Variants in RERG observed in about 807,000 individuals in gnomAD.
RERG encodes the protein ras-related and estrogen-regulated growth inhibitor.
In RERG, 25 loss-of-function variants were observed where a neutral mutation model predicts 23.2. That is an observed-to-expected ratio of 1.08 (90% confidence interval 0.79 to 1.50). The LOEUF (loss-of-function observed/expected upper bound fraction) is 1.50, where lower values mean the gene tolerates loss of function less well. Ranked by LOEUF, RERG falls within the 40% of genes most tolerant of loss-of-function variation. The pLI, the probability that RERG is intolerant of heterozygous loss-of-function variation, is 0.00. For synonymous variants in RERG, 81 were observed against 89.1 expected, an observed-to-expected ratio of 0.91 and a Z score of 0.51; for missense variants, 253 against 250.1, an observed-to-expected ratio of 1.01 and a Z score of -0.08.
chr12:15,141,705 G>C (rs1864241534), intron 2 of RERG, among the ~76,000 whole-genome samples: 1 of 152,172 alleles, frequency 6.6e-6, no homozygotes, highest in Admixed American at 6.5e-5. Flanking sequence ...CAAGAAAAGT[G>C]ATTGTTATTC....
chr12:15,184,052 A>G (rs1864959277), intron 2 of RERG, among the ~76,000 whole-genome samples: 2 of 152,196 alleles, frequency 1.3e-5, no homozygotes, highest in Non-Finnish European at 2.9e-5. Context: ...TCCAGGACAC[A>G]TCAAACCCAG....
chr12:15,113,409 TAAGA>T (rs1863660687), intron 3 of RERG, among the ~76,000 whole-genome samples: 2 of 151,980 alleles, frequency 1.3e-5, no homozygotes, highest in Non-Finnish European at 2.9e-5. Flanking sequence ...GCCATTAAAT[TAAGA>T]GAGACAATGC....
intron 2 of RERG, among the ~76,000 whole-genome samples, chr12:15,202,801 T>C (rs552385072): frequency 2.4e-4 from 36 of 151,850 alleles, no homozygotes; most frequent in African/African-American, 8.4e-4. Context: ...TTCATTTCTT[T>C]TGGGCATATA....
intron 2 of RERG, among the ~76,000 whole-genome samples, chr12:15,127,285 T>C (rs1277097889): frequency 1.3e-5 from 2 of 152,228 alleles, no homozygotes; most frequent in African/African-American, 4.8e-5. Context: ...ATGTGCCCAA[T>C]AGGTATTTGA....
At chr12:15,130,271 G>A (rs1864022907) in intron 2 of RERG, among the ~76,000 whole-genome samples, 1 of 152,140 alleles carries the variant, frequency 6.6e-6, no homozygotes, top group Admixed American at 6.5e-5. Flanking sequence ...GGTGGGTGGT[G>A]GCATGCAGTG....
chr12:15,122,911 G>A (rs543228305), intron 2 of RERG, among the ~76,000 whole-genome samples: 2 of 151,156 alleles, frequency 1.3e-5, no homozygotes, highest in South Asian at 2.1e-4. Flanking sequence ...CAATTCTCCT[G>A]CCACAGCCTC....
At chr12:15,123,842 A>G (rs1347580527) in intron 2 of RERG, among the ~76,000 whole-genome samples, 2 of 152,010 alleles carry the variant, frequency 1.3e-5, no homozygotes, top group Admixed American at 6.6e-5. Context: ...AAGGTTTGAC[A>G]TATTTGATTA....
chr12:15,206,656 C>T (rs565984430), intron 2 of RERG, among the ~76,000 whole-genome samples: 4 of 152,046 alleles, frequency 2.6e-5, no homozygotes, highest in South Asian at 2.1e-4. Context: ...CTGGTGATCC[C>T]GAGGCATGGT....
chr12:15,158,331 G>T lies in RERG; in HGVS notation c.62-37212C>A, dbSNP rs116250753. Among the ~76,000 whole-genome samples the T allele has an allele frequency of 6.4e-3, 975 of 152,072 alleles. 10 individuals are homozygous for T. The highest frequency in any genetic ancestry group is 0.023 in the African/African-American group (934 of 41,462). On this transcript the variant is annotated intron_variant, in intron 2 of 4. Coordinates refer to ENST00000256953, the MANE Select transcript of RERG (RefSeq NM_032918.3). The stretch of plus-strand genomic sequence containing the variant: ...GAATCTCGCTCTGTCATCCAGGCTG[G>T]AACACAGTGTTATGATCTTGGCTCG...
intron 2 of RERG, among the ~76,000 whole-genome samples, chr12:15,196,911 T>TA (rs367607256): frequency 1.5e-3 from 235 of 152,178 alleles, no homozygotes; most frequent in African/African-American, 5.5e-3. Context: ...ATTCTAATCA[T>TA]AAAATAACCA....
chr12:15,204,980 T>A (rs1043472558), intron 2 of RERG, among the ~76,000 whole-genome samples: 2 of 151,900 alleles, frequency 1.3e-5, no homozygotes, highest in African/African-American at 4.8e-5. Context: ...CTACATCAAT[T>A]TCCTTGTTTT....
intron 2 of RERG, among the ~76,000 whole-genome samples, chr12:15,150,211 T>C (rs1201457307): frequency 6.6e-6 from 1 of 152,216 alleles, no homozygotes; most frequent in Non-Finnish European, 1.5e-5. Context: ...CATTTGGGAA[T>C]ATTTACACAG....
At chr12:15,212,042 C>CT (rs772353150) in intron 2 of RERG, among the ~76,000 whole-genome samples, 2,460 of 64,700 alleles carry the variant, frequency 0.038, 478 homozygotes, top group African/African-American at 0.065. Context: ...CACGAATAAA[C>CT]TTTTTTTTTT....
intron 2 of RERG, among the ~76,000 whole-genome samples, chr12:15,138,730 G>C (rs928971695): frequency 2.6e-5 from 4 of 151,680 alleles, no homozygotes; most frequent in African/African-American, 9.7e-5. Context: ...TGTGTTATTT[G>C]CTTTGTGAAT....
At chr12:15,147,703 A>G (rs1380635396) in intron 2 of RERG, among the ~76,000 whole-genome samples, 1 of 152,334 alleles carries the variant, frequency 6.6e-6, no homozygotes, top group East Asian at 1.9e-4. Context: ...AAGGTAGATT[A>G]TAAGAAATTT....
intron 2 of RERG, among the ~76,000 whole-genome samples, chr12:15,174,635 T>A (rs1864821999): frequency 6.6e-6 from 1 of 152,074 alleles, no homozygotes; most frequent in Non-Finnish European, 1.5e-5. Context: ...CCCACAGATC[T>A]TTGAATCTCT....
intron 2 of RERG, among the ~76,000 whole-genome samples, chr12:15,194,293 A>G (rs1865112931): frequency 6.6e-6 from 1 of 152,126 alleles, no homozygotes; most frequent in Non-Finnish European, 1.5e-5. Flanking sequence ...CAAAGGCAAG[A>G]CATATTTAAG....
At chr12:15,112,071 GAGA>G (rs1863630127) in intron 3 of RERG, among the ~76,000 whole-genome samples, 1 of 152,154 alleles carries the variant, frequency 6.6e-6, no homozygotes, top group South Asian at 2.1e-4. Context: ...AATGTAAATT[GAGA>G]AGGTGATTTT....
intron 3 of RERG, among the ~76,000 whole-genome samples, chr12:15,117,837 T>C (rs1256083486): frequency 6.6e-6 from 1 of 152,086 alleles, no homozygotes; most frequent in African/African-American, 2.4e-5. Flanking sequence ...ATGGATCCTG[T>C]TGTTCTACAA....
Sources: gnomAD v4.1 joint callset for allele counts (sites outside exome capture counted in the v4.1 genomes callset) on GRCh38, gnomAD v4.1.1 for gene constraint, MANE v1.5 for transcripts, NCBI Gene and HGNC (gene_info 2026-07-23, HGNC 2026-07-21) for gene names.